CBFA2T2: variants seen among roughly 807,000 people sequenced by gnomAD.
CBFA2T2 encodes CBFA2/RUNX1 partner transcriptional co-repressor 2.
In CBFA2T2, 11 loss-of-function variants were observed where a neutral mutation model predicts 62.2. The ratio of observed to expected loss-of-function variants is 0.18; its 90% confidence interval spans 0.11 to 0.29. CBFA2T2 has a LOEUF of 0.29. CBFA2T2 is among the 10% of genes least tolerant of loss of function. CBFA2T2 has a pLI of 1.00. For synonymous variants in CBFA2T2, 295 were observed against 287.5 expected (o/e 1.03, Z -0.27); for missense variants, 592 against 774.1 (o/e 0.76, Z 2.79).
intron 1 of CBFA2T2, among the ~76,000 whole-genome samples, chr20:33,589,504 G>A (rs755430431): frequency 6.6e-6 from 1 of 152,176 alleles, no homozygotes; most frequent in Non-Finnish European, 1.5e-5. Context: ...ACAGTGTGAG[G>A]TCATAGTTGT....
intron 1 of CBFA2T2, among the ~76,000 whole-genome samples, chr20:33,588,933 C>T (rs1327729026): frequency 6.6e-6 from 1 of 151,756 alleles, no homozygotes; most frequent in South Asian, 2.1e-4. Context: ...CAGAGTGAGA[C>T]TTCCCCTCAA....
intron 1 of CBFA2T2, among the ~76,000 whole-genome samples, chr20:33,521,299 C>T (rs1723689680): frequency 6.6e-6 from 1 of 152,032 alleles, no homozygotes; most frequent in Non-Finnish European, 1.5e-5. Flanking sequence ...TATAAATGTT[C>T]TAAATTAAGT....
intron 3 of CBFA2T2, among the ~76,000 whole-genome samples, chr20:33,615,584 C>G (rs1178343058): frequency 1.3e-5 from 2 of 152,112 alleles, no homozygotes; most frequent in African/African-American, 4.8e-5. Context: ...TCCCTATTCC[C>G]CCCAATAAGT....
chr20:33,522,693 T>G (rs1292595550), intron 1 of CBFA2T2, among the ~76,000 whole-genome samples: 1 of 152,170 alleles, frequency 6.6e-6, no homozygotes. Flanking sequence ...CAGTGAGGCA[T>G]GATTGCACCA....
chr20:33,533,597 C>T (rs2012119325), intron 1 of CBFA2T2, among the ~76,000 whole-genome samples: 1 of 151,984 alleles, frequency 6.6e-6, no homozygotes, highest in African/African-American at 2.4e-5. Context: ...TTGGCTATTG[C>T]AAATAAAGCT....
chr20:33,537,305 C>G (rs141278476), intron 1 of CBFA2T2, among the ~76,000 whole-genome samples: 1 of 152,246 alleles, frequency 6.6e-6, no homozygotes, highest in African/African-American at 2.4e-5. Context: ...GCCAACACAG[C>G]GAAACCCCGT....
rs1400384150 is a variant in CBFA2T2 at position 33,563,406 on chromosome 20, G to A, written c.35-43550G>A. Among the ~76,000 whole-genome samples, 4 of 152,094 alleles carry A rather than the reference G, an allele frequency of 2.6e-5. No homozygotes were observed. The East Asian group carries it at 7.7e-4, about 29-fold the overall frequency. ...ATAAGAAATAGAGATGGGTCTCACTGTGTTGCCCAGACTAGTCTCTTAAAC... is the reference window on the plus strand; with the variant it reads ...ATAAGAAATAGAGATGGGTCTCACTATGTTGCCCAGACTAGTCTCTTAAAC... On this transcript the variant is annotated intron_variant, in intron 1 of 10. Coordinates refer to ENST00000342704, the MANE Select transcript of CBFA2T2 (RefSeq NM_001032999.3).
At chr20:33,623,066 C>T (rs1009694042) in intron 4 of CBFA2T2, 49 bp from the exon 5 acceptor site, 3 of 1,590,254 alleles carry the variant, frequency 1.9e-6, no homozygotes, top group Non-Finnish European at 2.6e-6. Context: ...AGGTGCTGAG[C>T]CTTCTTGTGT....
chr20:33,509,324 A>G (rs2146853189), intron 1 of CBFA2T2, among the ~76,000 whole-genome samples: 1 of 152,162 alleles, frequency 6.6e-6, no homozygotes, highest in South Asian at 2.1e-4. Context: ...TCAAGATTGC[A>G]CCACTGCACT....
In CBFA2T2 at chr20:33,497,547, C is replaced by CTT. The variant is rs756491939; in HGVS notation, c.34+7266_34+7267dup. ...CATGACTGTGTTTGAAGCTTGTATA[C>CTT]TTTTTTTTTTTTTTTTTTTTTGAGA... On this transcript the variant is annotated intron_variant, in intron 1 of 10. Coordinates refer to ENST00000342704, the MANE Select transcript of CBFA2T2 (RefSeq NM_001032999.3). Among the ~76,000 whole-genome samples, 677 of 114,584 alleles carry CTT rather than the reference C, an allele frequency of 5.9e-3. 15 individuals are homozygous for CTT. Among genetic ancestry groups the CTT allele is most frequent in the East Asian group, 0.042 (167 of 3,942 alleles). 75.2% of individuals were successfully genotyped at this position (114,584 alleles called of 152,430 possible). A position where few individuals can be genotyped will look rare whatever the true frequency, so the allele number is the denominator to read the frequency against.
chr20:33,497,274 CAAAAAAAAAAAAAAA>C (rs34528525), intron 1 of CBFA2T2, among the ~76,000 whole-genome samples: 1 of 58,070 alleles, frequency 1.7e-5, no homozygotes, highest in Non-Finnish European at 3.0e-5. Context: ...ACCCTGTCTC[CAAAAAAAAAAAAAAA>C]AAAAAAAAAG....
chr20:33,542,845 G>C (rs76771178), intron 1 of CBFA2T2, among the ~76,000 whole-genome samples: 6,096 of 152,124 alleles, frequency 0.04, 196 homozygotes, highest in Non-Finnish European at 0.071. Context: ...CTAATTTTAT[G>C]TAGTTTTGGT....
intron 1 of CBFA2T2, among the ~76,000 whole-genome samples, chr20:33,579,083 T>C (rs2146911362): frequency 6.6e-6 from 1 of 150,832 alleles, no homozygotes; most frequent in South Asian, 2.1e-4. Context: ...ACCCAATGAG[T>C]GCCTTTTTGG....
intron 3 of CBFA2T2, among the ~76,000 whole-genome samples, chr20:33,612,668 C>G (rs2015572158): frequency 6.6e-6 from 1 of 152,082 alleles, no homozygotes; most frequent in African/African-American, 2.4e-5. Context: ...TCAGTCTGAA[C>G]CAATATAGTT....
intron 1 of CBFA2T2, among the ~76,000 whole-genome samples, chr20:33,550,702 A>C (rs1277014041): frequency 6.6e-6 from 1 of 151,934 alleles, no homozygotes; most frequent in Admixed American, 6.6e-5. Context: ...AGCTCGCTGC[A>C]ACCTCCGCTC....
chr20:33,514,782 C>T (rs994896906), intron 1 of CBFA2T2, among the ~76,000 whole-genome samples: 1 of 151,852 alleles, frequency 6.6e-6, no homozygotes, highest in African/African-American at 2.4e-5. Flanking sequence ...CTGCAACCTC[C>T]GCCTCCTAGG....
chr20:33,584,237 C>T (rs2014256639), intron 1 of CBFA2T2, among the ~76,000 whole-genome samples: 1 of 151,696 alleles, frequency 6.6e-6, no homozygotes, highest in Non-Finnish European at 1.5e-5. Flanking sequence ...GCGTGAGCCA[C>T]CATGCTGGCC....
chr20:33,554,544 C>T (rs190574852), intron 1 of CBFA2T2, among the ~76,000 whole-genome samples: 6 of 147,530 alleles, frequency 4.1e-5, no homozygotes, highest in East Asian at 2.0e-4. Flanking sequence ...CCACTGCGCC[C>T]GGCCTATTTT....
chr20:33,575,235 G>T (rs574197797), intron 1 of CBFA2T2, among the ~76,000 whole-genome samples: 1 of 152,320 alleles, frequency 6.6e-6, no homozygotes, highest in East Asian at 1.9e-4. Context: ...AACAGTAGGT[G>T]AAGCAATTAT....
Sources: allele counts gnomAD v4.1 joint callset (sites outside exome capture counted in the v4.1 genomes callset), GRCh38; gene constraint gnomAD v4.1.1; transcripts MANE v1.5; gene names NCBI Gene and HGNC (gene_info 2026-07-23, HGNC 2026-07-21).